The following TSPAN15 variants were observed in gnomAD, a reference collection of about 807,000 sequenced individuals.
The protein encoded by TSPAN15 is tetraspanin 15, also known as tetraspanin-15.
TSPAN15 carries 20 observed loss-of-function variants against 34.5 expected under a neutral mutation model. The observed-to-expected ratio is 0.58, with a 90% CI of 0.41 to 0.84. The LOEUF (loss-of-function observed/expected upper bound fraction) is 0.84. Ranked by LOEUF, TSPAN15 falls within the 40% of genes least tolerant of loss-of-function variation. The probability of loss-of-function intolerance (pLI) is 0.00; values close to 1 mark genes in which losing one functional copy is unlikely to be tolerated. For synonymous variants in TSPAN15, 155 were observed against 153.9 expected, an observed-to-expected ratio of 1.01 and a Z score of -0.05; for missense variants, 313 against 386.1, an observed-to-expected ratio of 0.81 and a Z score of 1.59.
At chr10:69,494,558 C>T in intron 3 of TSPAN15, 1 of 860,674 alleles carries the variant, frequency 1.2e-6, no homozygotes, top group Non-Finnish European at 1.4e-6. Context: ...CCCTCTGAGA[C>T]TTGGTTTTTG....
At chr10:69,539,777 C>G in the TSPAN15 span, among the ~76,000 whole-genome samples, 1 of 152,114 alleles carries the variant, frequency 6.6e-6, no homozygotes, top group Non-Finnish European at 1.5e-5. Flanking sequence ...AAGACCAATA[C>G]AGCTGCTCCT....
chr10:69,500,558 G>C (rs905859178), intron 5 of TSPAN15, among the ~76,000 whole-genome samples: 9 of 152,152 alleles, frequency 5.9e-5, no homozygotes, highest in African/African-American at 9.7e-5. Flanking sequence ...GGCTGGTCAG[G>C]CTTCAAACCT....
Position 69,506,963 on chromosome 10 carries a change from G to T in TSPAN15, c.870G>T (p.Leu290Phe), listed in dbSNP as rs1364370984. The T allele has an allele frequency of 2.5e-6, 4 of 1,608,960 alleles. No homozygotes were observed. Among genetic ancestry groups the T allele is most frequent in the Middle Eastern group, 1.7e-4 (1 of 6,038 alleles). Residue 290 changes from leucine to phenylalanine, a missense_variant, in exon 8 of 8, where the codon TTG becomes TTT. Physicochemically the swap from Leu to Phe is conservative, Grantham distance 22. Coordinates refer to ENST00000373290, the MANE Select transcript of TSPAN15 (RefSeq NM_012339.5). This position sits in a 1 kb window ranked among gnomAD's most constrained non-coding sequence, Gnocchi z 4.7. ...AGGCGGCAGGCACGGGATGCTGCTT[G>T]TGCTACCCCAATTAGGGCCCAGCCT... is the stretch of plus-strand genomic sequence containing the variant. ...SVEAAGTGCC[L>F]CYPN
intron 1 of TSPAN15, among the ~76,000 whole-genome samples, chr10:69,457,656 T>C (rs1314099886): frequency 6.6e-6 from 1 of 152,210 alleles, no homozygotes; most frequent in Non-Finnish European, 1.5e-5. Flanking sequence ...GCTTGGCCTG[T>C]GATTTCTTAC....
chr10:69,501,782 G>T (rs1340733698), intron 5 of TSPAN15, among the ~76,000 whole-genome samples: 1 of 152,164 alleles, frequency 6.6e-6, no homozygotes, highest in East Asian at 1.9e-4. Context: ...CAGGAGGTGG[G>T]CAGAGGTTGA....
chr10:69,462,059 T>C (rs55725844), intron 1 of TSPAN15, among the ~76,000 whole-genome samples: 69,878 of 151,012 alleles, frequency 0.46, 16,647 homozygotes, highest in African/African-American at 0.55. Flanking sequence ...TGGCTCACTG[T>C]GGCCTTGACC....
At chr10:69,544,930 C>T in the TSPAN15 span, among the ~76,000 whole-genome samples, 10 of 152,292 alleles carry the variant, frequency 6.6e-5, no homozygotes, top group East Asian at 5.8e-4. Context: ...CCACACAGCG[C>T]GCCCCTTTGT....
the TSPAN15 span, among the ~76,000 whole-genome samples, chr10:69,514,813 A>T: frequency 1.3e-5 from 2 of 152,218 alleles, no homozygotes; most frequent in African/African-American, 4.8e-5. Context: ...ATAATCTCTT[A>T]GTATTCCCAT....
Position 69,506,040 on chromosome 10 carries a change from A to G in TSPAN15, c.619-84A>G. On this transcript the variant is annotated intron_variant, in intron 6 of 7. Transcript: ENST00000373290. The surrounding 1 kb of genome is among the most constrained non-coding windows in gnomAD (Gnocchi z 4.7). ...CACAGCGGTTGAGGGACTAGCCTGG[A>G]CCTTGTGTACATGGCAGAGTCGGGG... is the stretch of plus-strand genomic sequence containing the variant. 1 of 1,141,662 alleles carries G rather than the reference A, an allele frequency of 8.8e-7. No homozygotes were observed. Among genetic ancestry groups the G allele is most frequent in the Non-Finnish European group, 1.3e-6 (1 of 766,696 alleles). The allele number at this position is 1,141,662 out of a possible 1,614,324, so 70.7% of individuals were successfully genotyped here. A position where few individuals can be genotyped will look rare whatever the true frequency, so the allele number is the denominator to read the frequency against.
At chr10:69,545,895 G>T in the TSPAN15 span, among the ~76,000 whole-genome samples, 15 of 152,220 alleles carry the variant, frequency 9.9e-5, no homozygotes, top group Admixed American at 3.9e-4. Flanking sequence ...GGCCAAGGTT[G>T]CTGTGAGCTG....
At chr10:69,480,993 C>T (rs7901221) in intron 1 of TSPAN15, among the ~76,000 whole-genome samples, 32,128 of 152,120 alleles carry the variant, frequency 0.21, 3,605 homozygotes, top group South Asian at 0.26. Flanking sequence ...CCACTGCGCC[C>T]GGCCTGGACT....
chr10:69,454,886 A>G (rs111854645), intron 1 of TSPAN15, among the ~76,000 whole-genome samples: 2,592 of 152,232 alleles, frequency 0.017, 82 homozygotes, highest in African/African-American at 0.06. Flanking sequence ...AGAAGTAGAA[A>G]AGGGTAAGGC....
the TSPAN15 span, among the ~76,000 whole-genome samples, chr10:69,537,213 G>A: frequency 2.0e-5 from 3 of 152,090 alleles, no homozygotes; most frequent in African/African-American, 7.2e-5. Context: ...GGCAACAACC[G>A]TTCACCCTCA....
the TSPAN15 span, among the ~76,000 whole-genome samples, chr10:69,525,744 C>T: frequency 1.3e-4 from 19 of 145,142 alleles, 3 homozygotes; most frequent in African/African-American, 4.8e-4. Flanking sequence ...TTGCTGGAAC[C>T]TGGGAGGCAG....
the TSPAN15 span, among the ~76,000 whole-genome samples, chr10:69,530,880 C>G: frequency 1.4e-4 from 18 of 126,776 alleles, no homozygotes; most frequent in Admixed American, 3.6e-4. Context: ...TCAGTGCACA[C>G]AGTTTAAAAG....
intron 1 of TSPAN15, among the ~76,000 whole-genome samples, chr10:69,458,034 G>A (rs1196085144): frequency 6.6e-6 from 1 of 152,226 alleles, no homozygotes; most frequent in Non-Finnish European, 1.5e-5. Context: ...TTGCCTGAAA[G>A]CCCACAGCAA....
chr10:69,490,038 G>T (rs945714604), intron 3 of TSPAN15, among the ~76,000 whole-genome samples: 43 of 152,272 alleles, frequency 2.8e-4, no homozygotes, highest in African/African-American at 1.0e-3. Flanking sequence ...GCAGTAGCGG[G>T]TGTGTCTATA....
intron 3 of TSPAN15, among the ~76,000 whole-genome samples, chr10:69,490,254 A>G (rs1841940365): frequency 6.6e-6 from 1 of 152,196 alleles, no homozygotes; most frequent in African/African-American, 2.4e-5. Flanking sequence ...CAACACCTGA[A>G]TATATAAAGT....
At chr10:69,503,738 T>C (rs1471318646) in intron 5 of TSPAN15, among the ~76,000 whole-genome samples, 2 of 152,146 alleles carry the variant, frequency 1.3e-5, no homozygotes, top group Non-Finnish European at 2.9e-5. Flanking sequence ...CTCACTCTCT[T>C]CCCTGGTGGT....
Sources: gnomAD v4.1 joint callset for allele counts (sites outside exome capture counted in the v4.1 genomes callset) on GRCh38, gnomAD v4.1.1 for gene constraint, Gnocchi (gnomAD v3.1) non-coding constraint, MANE v1.5 for transcripts, NCBI Gene and HGNC (gene_info 2026-07-23, HGNC 2026-07-21) for gene names.